The following SENP5 variants were observed in gnomAD, a reference collection of about 807,000 sequenced individuals.
SENP5 encodes SUMO specific peptidase 5, also known as sentrin-specific protease 5.
In SENP5, 21 loss-of-function variants were observed where a neutral mutation model predicts 74.2. That is an observed-to-expected ratio of 0.28 (90% confidence interval 0.20 to 0.41). SENP5 has a LOEUF of 0.41. Ranked by LOEUF, SENP5 falls within the 10% of genes least tolerant of loss-of-function variation. SENP5 has a pLI of 1.00. For synonymous variants in SENP5, 311 were observed against 312.7 expected (o/e 0.99, Z 0.06); for missense variants, 717 against 889.1 (o/e 0.81, Z 2.46).
At chr3:196,914,945 A>G (rs1715312220) in intron 6 of SENP5, among the ~76,000 whole-genome samples, 1 of 152,062 alleles carries the variant, frequency 6.6e-6, no homozygotes, top group Non-Finnish European at 1.5e-5. Context: ...GAGCAAAATG[A>G]TTGTGGGACT....
chr3:196,885,679 T>A lies in SENP5; in HGVS notation c.498T>A (p.Phe166Leu). 1 of 1,614,184 alleles carries A rather than the reference T, an allele frequency of 6.2e-7. No individual in the cohort carries two copies. The change falls in exon 2 of 10, where the codon TTT becomes TTA. Residue 166 changes from phenylalanine (F) to leucine (L), a missense_variant. Physicochemically the swap from Phe to Leu is conservative, Grantham distance 22 (BLOSUM62 0). Transcript: ENST00000323460. ...GGACAGACCCACAACCTTCTGACTT[T>A]CCCATGAAGTTCAATGGGGAGAGCC... is the stretch of plus-strand genomic sequence containing the variant. Reference protein sequence around the residue: ...RPRTDPQPSDFPMKFNGESQS... With the variant: ...RPRTDPQPSDLPMKFNGESQS...
chr3:196,917,488 C>A (rs529555528), intron 6 of SENP5, among the ~76,000 whole-genome samples: 6 of 152,104 alleles, frequency 3.9e-5, no homozygotes, highest in Non-Finnish European at 5.9e-5. Context: ...GAAGATTTAA[C>A]ACAAATAAGA....
intron 6 of SENP5, among the ~76,000 whole-genome samples, chr3:196,908,116 A>G (rs1483074223): frequency 6.6e-6 from 1 of 152,088 alleles, no homozygotes; most frequent in Non-Finnish European, 1.5e-5. Context: ...CCCCGTTTCT[A>G]TAAAAAATTT....
At chr3:196,919,955 A>C (rs982600833) in intron 6 of SENP5, among the ~76,000 whole-genome samples, 1 of 152,116 alleles carries the variant, frequency 6.6e-6, no homozygotes, top group Non-Finnish European at 1.5e-5. Flanking sequence ...TTTTTATGTT[A>C]ACACTACACA....
At chr3:196,900,465 G>T in intron 5 of SENP5, 53 bp downstream of exon 5, 1 of 1,415,016 alleles carries the variant, frequency 7.1e-7, no homozygotes, top group South Asian at 1.3e-5. Context: ...GTATTAAAAT[G>T]AGTAGTTTTT....
At chr3:196,898,319 C>T (rs1286649986) in intron 2 of SENP5, among the ~76,000 whole-genome samples, 1 of 151,404 alleles carries the variant, frequency 6.6e-6, no homozygotes, top group Non-Finnish European at 1.5e-5. Flanking sequence ...TATGGTGTGG[C>T]CAAAAAGCCA....
chr3:196,892,522 G>T (rs1714254874), intron 2 of SENP5, among the ~76,000 whole-genome samples: 1 of 152,138 alleles, frequency 6.6e-6, no homozygotes, highest in Admixed American at 6.6e-5. Flanking sequence ...TGTTTACTTT[G>T]TGAAGTAAAT....
intron 6 of SENP5, among the ~76,000 whole-genome samples, chr3:196,918,658 G>A (rs760782698): frequency 1.3e-4 from 19 of 151,940 alleles, no homozygotes; most frequent in Non-Finnish European, 2.1e-4. Context: ...AAGTCCTTAC[G>A]TATCAATAAT....
intron 5 of SENP5, among the ~76,000 whole-genome samples, chr3:196,900,714 T>C (rs905544825): frequency 2.6e-5 from 4 of 152,094 alleles, no homozygotes; most frequent in African/African-American, 9.7e-5. Flanking sequence ...GCCTCCCGAC[T>C]AGCTGGGATT....
intron 6 of SENP5, among the ~76,000 whole-genome samples, chr3:196,915,854 C>G (rs757825475): frequency 1.3e-5 from 2 of 152,216 alleles, no homozygotes; most frequent in Non-Finnish European, 2.9e-5. Context: ...TTGGGGCTCC[C>G]TGTAGTGCAG....
At chr3:196,882,570 C>G (rs1713772345) in intron 1 of SENP5, among the ~76,000 whole-genome samples, 1 of 152,136 alleles carries the variant, frequency 6.6e-6, no homozygotes, top group African/African-American at 2.4e-5. Context: ...GTGGTGCGAT[C>G]TCAGTTCACC....
intron 1 of SENP5, among the ~76,000 whole-genome samples, chr3:196,871,394 TAC>T (rs1301537359): frequency 6.6e-6 from 1 of 152,136 alleles, no homozygotes; most frequent in African/African-American, 2.4e-5. Context: ...AACCCAGGGT[TAC>T]AGTTTCAATC....
intron 6 of SENP5, among the ~76,000 whole-genome samples, chr3:196,916,511 T>G (rs1190214207): frequency 2.0e-5 from 3 of 148,172 alleles, no homozygotes; most frequent in Admixed American, 6.9e-5. Flanking sequence ...TCAGAGAAAT[T>G]TAAGAAAGAG....
intron 6 of SENP5, chr3:196,905,071 T>G (rs1032084631): frequency 6.6e-6 from 1 of 152,110 alleles, no homozygotes; most frequent in Non-Finnish European, 1.5e-5. Context: ...GGCTAATTCT[T>G]GTATTTTTAA....
chr3:196,890,026 C>G (rs1440063770), intron 2 of SENP5, among the ~76,000 whole-genome samples: 1 of 152,174 alleles, frequency 6.6e-6, no homozygotes, highest in African/African-American at 2.4e-5. Flanking sequence ...TAACACTTGG[C>G]AAGAGTGAGG....
chr3:196,868,934 G>A (rs944246647), intron 1 of SENP5, among the ~76,000 whole-genome samples: 6 of 150,608 alleles, frequency 4.0e-5, no homozygotes, highest in Non-Finnish European at 7.4e-5. Context: ...GGAAAAGGTT[G>A]CCTAGAGATG....
At chr3:196,917,133 AAAAC>A (rs1486786330) in intron 6 of SENP5, among the ~76,000 whole-genome samples, 9 of 152,078 alleles carry the variant, frequency 5.9e-5, no homozygotes, top group African/African-American at 1.4e-4. Context: ...ACTCTGTCTC[AAAAC>A]AAACAAACCC....
chr3:196,929,039 T>C (rs1715921669), intron 8 of SENP5: 1 of 152,208 alleles, frequency 6.6e-6, no homozygotes, highest in Non-Finnish European at 1.5e-5. Flanking sequence ...ATAATAAAAT[T>C]AGCCAGGCGT....
At chr3:196,890,870 C>T (rs553779214) in intron 2 of SENP5, among the ~76,000 whole-genome samples, 29 of 152,230 alleles carry the variant, frequency 1.9e-4, no homozygotes, top group Non-Finnish European at 3.7e-4. Context: ...AATTATAGCA[C>T]ATCCAAGAGA....
Sources: allele counts gnomAD v4.1 joint callset (sites outside exome capture counted in the v4.1 genomes callset), GRCh38; gene constraint gnomAD v4.1.1; transcripts MANE v1.5; gene names NCBI Gene and HGNC (gene_info 2026-07-23, HGNC 2026-07-21).